VPS41: variants seen among roughly 807,000 people sequenced by gnomAD.
VPS41 encodes the protein vacuolar protein sorting-associated protein 41 homolog.
VPS41 carries 85 observed loss-of-function variants against 130.9 expected under a neutral mutation model. The ratio of observed to expected loss-of-function variants is 0.65; its 90% CI spans 0.55 to 0.78. The LOEUF (loss-of-function observed/expected upper bound fraction) is 0.78. VPS41 is among the 30% of genes least tolerant of loss of function. VPS41 has a pLI of 0.00. For missense variants in VPS41, 874 were observed against 1,018.7 expected (o/e 0.86, Z 1.93); for synonymous variants, 335 against 332.9 (o/e 1.01, Z -0.07).
intron 3 of VPS41, 134 bp downstream of exon 3, chr7:38,869,012 A>T: frequency 1.6e-6 from 1 of 634,902 alleles, no homozygotes; most frequent in Non-Finnish European, 2.7e-6. Context: ...TTTGTTGGCA[A>T]GGAGGAAGAG....
intron 2 of VPS41, among the ~76,000 whole-genome samples, chr7:38,893,553 T>C (rs1411936643): frequency 6.6e-6 from 1 of 152,248 alleles, no homozygotes; most frequent in African/African-American, 2.4e-5. Flanking sequence ...ATCTAAGAAG[T>C]AGTCTGGCTC....
intron 7 of VPS41, among the ~76,000 whole-genome samples, chr7:38,809,417 A>G (rs1018029146): frequency 6.7e-6 from 1 of 150,344 alleles, no homozygotes; most frequent in African/African-American, 2.4e-5. Context: ...AGAAAAAAAT[A>G]AAAATGTTGA....
intron 2 of VPS41, among the ~76,000 whole-genome samples, chr7:38,878,066 C>T (rs62443563): frequency 6.6e-6 from 1 of 152,216 alleles, no homozygotes; most frequent in African/African-American, 2.4e-5. Flanking sequence ...AGACTCTAAA[C>T]CTCTATCACC....
At chr7:38,796,965 C>A in intron 7 of VPS41, 101 bp from the exon 8 acceptor site, 1 of 1,386,766 alleles carries the variant, frequency 7.2e-7, no homozygotes, top group South Asian at 1.2e-5. Flanking sequence ...AAATAACAAA[C>A]AAGTCACTCT....
chr7:38,864,070 GCTAT>G, intron 3 of VPS41, among the ~76,000 whole-genome samples: 1 of 152,256 alleles, frequency 6.6e-6, no homozygotes, highest in Non-Finnish European at 1.5e-5. Context: ...CCATTCTGAG[GCTAT>G]CTGTGGTAAA....
intron 25 of VPS41, among the ~76,000 whole-genome samples, chr7:38,731,073 C>T (rs1454319555): frequency 6.6e-6 from 1 of 152,212 alleles, no homozygotes; most frequent in Non-Finnish European, 1.5e-5. Context: ...CAGCTTACTG[C>T]TATCTCCTAC....
intron 25 of VPS41, among the ~76,000 whole-genome samples, chr7:38,740,580 T>C (rs1163102073): frequency 1.3e-5 from 2 of 152,202 alleles, no homozygotes; most frequent in African/African-American, 4.8e-5. Flanking sequence ...AATATATGCC[T>C]ATATATCGTT....
rs1294133942 is a variant in VPS41 at position 38,776,704 on chromosome 7, T to C, written c.857A>G (p.Tyr286Cys). ...PLCDQLVVLS[Y>C]VKEISEKTER... Reference sequence around the variant, plus strand: ...CGTTTTTTCTGAAATCTCCTTTACATACGAAAGTACAACAAGCTGATCACA... The same window carrying C: ...CGTTTTTTCTGAAATCTCCTTTACACACGAAAGTACAACAAGCTGATCACA... Residue 286 changes from tyrosine (Y) to cysteine (C), a missense_variant, in exon 11 of 29, where the codon TAT becomes TGT. Coordinates refer to ENST00000310301, the MANE Select transcript of VPS41 (RefSeq NM_014396.4). The C allele has an allele frequency of 1.9e-6, 3 of 1,609,902 alleles. No individual in the cohort carries two copies. The highest frequency in any genetic ancestry group is 1.3e-5 in the African/African-American group (1 of 74,792).
intron 10 of VPS41, among the ~76,000 whole-genome samples, chr7:38,777,399 G>A (rs1784278797): frequency 6.6e-6 from 1 of 151,682 alleles, no homozygotes; most frequent in African/African-American, 2.4e-5. Context: ...AAATCAAGAA[G>A]ACATATTGCA....
chr7:38,804,175 CT>C (rs11478893), intron 7 of VPS41, among the ~76,000 whole-genome samples: 84,816 of 151,090 alleles, frequency 0.56, 24,381 homozygotes, highest in East Asian at 0.89. Context: ...GCAACACAGA[CT>C]TTTTTTTTTA....
At chr7:38,862,659 T>G (rs1786142861) in intron 3 of VPS41, 37 bp from the exon 4 acceptor site, 11 of 1,250,618 alleles carry the variant, frequency 8.8e-6, no homozygotes, top group Non-Finnish European at 1.0e-5. Context: ...AATTAATTAA[T>G]AATACTATTA....
Position 38,757,447 on chromosome 7 carries a change from C to T in VPS41, c.1551-465G>A, listed in dbSNP as rs537830243. On this transcript the variant is annotated intron_variant, in intron 18 of 28. Transcript: ENST00000310301. Reference sequence around the variant, plus strand: ...GTTTTTCCATTGAAACAATGTTTTTCACATTAAGTCCCTAAGTCAGCTCTT... The same window carrying T: ...GTTTTTCCATTGAAACAATGTTTTTTACATTAAGTCCCTAAGTCAGCTCTT... Among the ~76,000 whole-genome samples, 6 of 152,242 alleles carry T rather than the reference C, an allele frequency of 3.9e-5. No individual in the cohort carries two copies. The South Asian group carries it at 1.2e-3, about 32-fold the overall frequency.
rs538276627 is a variant in VPS41 at position 38,748,706 on chromosome 7, T to TA, written c.1927-3094dup. ...GTAAATTACAGGACAGTTTAACAGTTAAAAAAAATAATCTTTCATGATTCT... is the reference window on the plus strand; with the variant it reads ...GTAAATTACAGGACAGTTTAACAGTTAAAAAAAAATAATCTTTCATGATTCT... On this transcript the variant is annotated intron_variant, in intron 22 of 28. Transcript: ENST00000310301. 8.6e-5 allele frequency among the ~76,000 whole-genome samples: 13 copies of TA among 151,550 alleles called. No homozygotes were observed. In the East Asian group the frequency reaches 1.6e-3, roughly 18 times the overall value.
chr7:38,831,565 A>G (rs1785387766), intron 4 of VPS41, among the ~76,000 whole-genome samples: 1 of 152,260 alleles, frequency 6.6e-6, no homozygotes, highest in South Asian at 2.1e-4. Flanking sequence ...TGCAAGTTAC[A>G]CTTAGTAGAT....
At chr7:38,754,658 A>G in intron 21 of VPS41, 44 bp downstream of exon 21, 3 of 1,512,390 alleles carry the variant, frequency 2.0e-6, no homozygotes, top group Non-Finnish European at 2.8e-6. Flanking sequence ...TGATTCACCC[A>G]CTGGTCAATC....
intron 27 of VPS41, among the ~76,000 whole-genome samples, chr7:38,727,588 G>C (rs1795572533): frequency 6.6e-6 from 1 of 152,158 alleles, no homozygotes; most frequent in Non-Finnish European, 1.5e-5. Context: ...CTGCAACACT[G>C]TCTGAAATGC....
intron 17 of VPS41, among the ~76,000 whole-genome samples, chr7:38,758,919 C>T (rs1783859792): frequency 6.7e-6 from 1 of 148,622 alleles, no homozygotes; most frequent in Admixed American, 6.6e-5. Flanking sequence ...GGGTGGTGCA[C>T]CCAAAGAGGA....
Position 38,862,639 on chromosome 7 carries a change from G to C in VPS41, c.169-17C>G. On this transcript the variant is annotated splice_polypyrimidine_tract_variant and intron_variant, in intron 3 of 28. Transcript: ENST00000310301. ...TGCCAAAAACTGTAAGAAGAACAAAGAGGCCAGTTAATTAATTAATAATAC... is the reference window on the plus strand; with the variant it reads ...TGCCAAAAACTGTAAGAAGAACAAACAGGCCAGTTAATTAATTAATAATAC... The C allele has an allele frequency of 6.5e-7, 1 of 1,539,402 alleles. No homozygotes were observed. Among genetic ancestry groups the C allele is most frequent in the Non-Finnish European group, 8.9e-7 (1 of 1,121,184 alleles).
chr7:38,796,902 T>G (rs1406220678), intron 7 of VPS41, 38 bp from the exon 8 acceptor site: 2 of 1,612,198 alleles, frequency 1.2e-6, no homozygotes, highest in East Asian at 4.5e-5. Context: ...TCTTAGAAAC[T>G]GAAAATAATG....
Sources: allele counts gnomAD v4.1 joint callset (sites outside exome capture counted in the v4.1 genomes callset), GRCh38; gene constraint gnomAD v4.1.1; transcripts MANE v1.5; gene names NCBI Gene and HGNC (gene_info 2026-07-23, HGNC 2026-07-21).